The following FAM227B variants were observed in gnomAD, a reference collection of about 807,000 sequenced individuals.
FAM227B encodes the protein protein FAM227B.
FAM227B carries 88 observed loss-of-function variants against 73.8 expected under a neutral mutation model. The ratio of observed to expected loss-of-function variants is 1.19; its 90% CI spans 1.00 to 1.42. The LOEUF (loss-of-function observed/expected upper bound fraction) is 1.42. Among genes scored for constraint, FAM227B ranks in the 40% most tolerant of loss-of-function variants. The pLI, the probability that FAM227B is intolerant of heterozygous loss-of-function variation, is 0.00. For missense variants in FAM227B, 632 were observed against 590.9 expected, an observed-to-expected ratio of 1.07 and a Z score of -0.72; for synonymous variants, 210 against 190.5, an observed-to-expected ratio of 1.10 and a Z score of -0.84.
intron 3 of FAM227B, among the ~76,000 whole-genome samples, chr15:49,610,767 C>T (rs2077854385): frequency 6.6e-6 from 1 of 152,098 alleles, no homozygotes; most frequent in African/African-American, 2.4e-5. Context: ...AGTAATTTTG[C>T]ATAACAATGG....
At chr15:49,475,011 C>G (rs2055128513) in intron 11 of FAM227B, among the ~76,000 whole-genome samples, 1 of 151,942 alleles carries the variant, frequency 6.6e-6, no homozygotes, top group African/African-American at 2.4e-5. Context: ...ATAGAATAAA[C>G]TATATTTCAG....
chr15:49,507,596 GTAAC>G (rs890748191), intron 11 of FAM227B, among the ~76,000 whole-genome samples: 12 of 152,104 alleles, frequency 7.9e-5, no homozygotes, highest in African/African-American at 2.9e-4. Flanking sequence ...TTAATGTAGA[GTAAC>G]TGAGGACTTT....
intron 3 of FAM227B, among the ~76,000 whole-genome samples, chr15:49,609,432 G>T (rs1006250912): frequency 6.6e-6 from 1 of 151,874 alleles, no homozygotes; most frequent in African/African-American, 2.4e-5. Flanking sequence ...AAAAGATTAA[G>T]TAGAAGACAA....
chr15:49,575,491 C>T (rs115592343), intron 7 of FAM227B, among the ~76,000 whole-genome samples: 68 of 152,020 alleles, frequency 4.5e-4, no homozygotes, highest in African/African-American at 1.6e-3. Flanking sequence ...AATATTTAGA[C>T]TTCATAGAAT....
At chr15:49,586,893 T>C (rs2076199944) in intron 5 of FAM227B, among the ~76,000 whole-genome samples, 6 of 152,190 alleles carry the variant, frequency 3.9e-5, no homozygotes. Context: ...CTGACGAGGT[T>C]GCAGAGAAAA....
At chr15:49,428,505 C>A (rs2050317218) in intron 11 of FAM227B, among the ~76,000 whole-genome samples, 1 of 151,940 alleles carries the variant, frequency 6.6e-6, no homozygotes, top group African/African-American at 2.4e-5. Context: ...TAGATTACTG[C>A]TGCACCAGGC....
intron 7 of FAM227B, among the ~76,000 whole-genome samples, chr15:49,575,963 T>C (rs747361249): frequency 6.6e-6 from 1 of 152,214 alleles, no homozygotes; most frequent in Non-Finnish European, 1.5e-5. Context: ...TGAGTAACAT[T>C]CAAGATTTCT....
intron 11 of FAM227B, among the ~76,000 whole-genome samples, chr15:49,394,798 CT>C (rs1422015751): frequency 3.9e-5 from 6 of 152,114 alleles, no homozygotes; most frequent in African/African-American, 1.4e-4. Context: ...CTATATATTG[CT>C]GAGATTTCAT....
chr15:49,501,175 A>G (rs1471141889), intron 11 of FAM227B, among the ~76,000 whole-genome samples: 5 of 152,214 alleles, frequency 3.3e-5, no homozygotes, highest in Non-Finnish European at 7.3e-5. Flanking sequence ...GAAAATGCAG[A>G]AGCAGATTTG....
At chr15:49,584,335 C>CGG (rs2076010628) in intron 5 of FAM227B, among the ~76,000 whole-genome samples, 7 of 152,168 alleles carry the variant, frequency 4.6e-5, no homozygotes, top group Admixed American at 3.3e-4. Context: ...GAAAAACTCT[C>CGG]ATTAAACTAC....
chr15:49,331,605 A>G (rs2038765809), intron 15 of FAM227B, 175 bp downstream of exon 15: 1 of 551,298 alleles, frequency 1.8e-6, no homozygotes, highest in Non-Finnish European at 3.2e-6. Context: ...TTGTCACTAA[A>G]TATGTAAAAC....
At chr15:49,459,572 CTT>C (rs1032305025) in intron 11 of FAM227B, among the ~76,000 whole-genome samples, 9 of 152,034 alleles carry the variant, frequency 5.9e-5, no homozygotes, top group African/African-American at 7.2e-5. Context: ...TTAAAGTCCT[CTT>C]GTTTTATCTC....
intron 11 of FAM227B, chr15:49,424,824 C>T: frequency 6.6e-6 from 2 of 302,760 alleles, no homozygotes; most frequent in Non-Finnish European, 6.1e-6. Context: ...ATATATACTC[C>T]TTGTCCTGAA....
At chr15:49,329,310 TA>T (rs2038144413) in intron 15 of FAM227B, 1 of 985,320 alleles carries the variant, frequency 1.0e-6, no homozygotes, top group South Asian at 4.7e-5. Flanking sequence ...GGATGGACTA[TA>T]GGAAGCACTT....
At chr15:49,586,480 C>T (rs993314982) in intron 5 of FAM227B, among the ~76,000 whole-genome samples, 1 of 152,042 alleles carries the variant, frequency 6.6e-6, no homozygotes, top group Non-Finnish European at 1.5e-5. Flanking sequence ...TAGGTATGGG[C>T]AAAGATTTCA....
intron 11 of FAM227B, among the ~76,000 whole-genome samples, chr15:49,395,407 C>T (rs747150616): frequency 3.9e-5 from 6 of 152,112 alleles, no homozygotes; most frequent in African/African-American, 1.2e-4. Flanking sequence ...CTGGAAACAA[C>T]GGGCAAGGGA....
chr15:49,565,200 G>C (rs1023145827), intron 9 of FAM227B, among the ~76,000 whole-genome samples: 1 of 151,808 alleles, frequency 6.6e-6, no homozygotes, highest in African/African-American at 2.4e-5. Context: ...TGGCCAATAT[G>C]GTGAAACCCC....
chr15:49,605,787 G>A (rs2077482325), intron 3 of FAM227B, among the ~76,000 whole-genome samples: 2 of 152,104 alleles, frequency 1.3e-5, no homozygotes, highest in South Asian at 2.1e-4. Flanking sequence ...GGGTCCTCAT[G>A]TGGTAGCCTA....
chr15:49,516,698 G>A (rs554532917), intron 10 of FAM227B, among the ~76,000 whole-genome samples: 2 of 151,900 alleles, frequency 1.3e-5, no homozygotes, highest in African/African-American at 4.8e-5. Flanking sequence ...GTGTCTCTGT[G>A]GTGGGCAGAG....
Sources: allele counts gnomAD v4.1 joint callset (sites outside exome capture counted in the v4.1 genomes callset), GRCh38; gene constraint gnomAD v4.1.1; transcripts MANE v1.5; gene names NCBI Gene and HGNC (gene_info 2026-07-23, HGNC 2026-07-21).